Variants in INPP5J observed in about 807,000 individuals in gnomAD.
INPP5J encodes the protein phosphatidylinositol 4,5-bisphosphate 5-phosphatase A.
Under a neutral mutation model 86.6 loss-of-function variants are expected in INPP5J, and 75 were observed. The observed-to-expected ratio is 0.87, with a 90% CI of 0.72 to 1.05. The LOEUF (loss-of-function observed/expected upper bound fraction) is 1.05, where lower values mean the gene tolerates loss of function less well. Among genes scored for constraint, INPP5J ranks in the 50% least tolerant of loss-of-function variants. The pLI is 0.00. For synonymous variants in INPP5J, 540 were observed against 550.0 expected (o/e 0.98, Z 0.25); for missense variants, 1,229 against 1,341.2 (o/e 0.92, Z 1.31).
rs1235200785 is a variant in INPP5J, at chr22:31,133,387, C to T, written c.2332-19C>T. 2 of 1,613,216 alleles carry T rather than the reference C, an allele frequency of 1.2e-6. No homozygotes were observed. The highest frequency in any genetic ancestry group is 4.5e-5 in the East Asian group (2 of 44,870). On this transcript the variant is annotated intron_variant, in intron 10 of 12. Coordinates refer to ENST00000331075, the MANE Select transcript of INPP5J (RefSeq NM_001284285.2). ...CATTATAGGGTCACAACACTGATTC[C>T]ACAACACTGATCCCCCAGGTGGGTT...
Position 31,125,070 on chromosome 22 carries a change from GT to G in INPP5J, c.332del (p.Val111GlyfsTer5). Reference protein sequence around the residue: ...HRSSSLAPTSVGQLVMSASAG... With the variant: ...HRSSSLAPTSXGQLVMSASAG... ...CAGCTCCAGCCTGGCCCCAACATCT[GT>G]GGGCCAGCTGGTGATGTCTGCCTCA... On this transcript the variant is annotated frameshift_variant, in exon 2 of 13. Coordinates refer to ENST00000331075, the MANE Select transcript of INPP5J (RefSeq NM_001284285.2). LOFTEE classifies it high-confidence loss of function. The G allele has an allele frequency of 1.3e-6, 2 of 1,549,806 alleles. No individual in the cohort carries two copies. The highest frequency in any genetic ancestry group is 1.7e-6 in the Non-Finnish European group (2 of 1,147,044).
At position 31,133,118 on chromosome 22, in the gene INPP5J, G is replaced by A. The variant is rs1922208484; in HGVS notation, c.2214G>A (p.Met738Ile). The part of the protein sequence containing the change: ...FLLQFAFRDD[M>I]PLVRLEVADE... ...GACAGTTTGCCTTCAGGGACGACATGCCACTGGTGCGGCTGGAGGTGGCAG... is the reference window on the plus strand; with the variant it reads ...GACAGTTTGCCTTCAGGGACGACATACCACTGGTGCGGCTGGAGGTGGCAG... Residue 738 changes from methionine (M) to isoleucine (I), a missense_variant, in exon 10 of 13, where the codon ATG (methionine) becomes ATA (isoleucine). By Grantham distance (10) the Met-to-Ile change is conservative. Transcript: ENST00000331075. 6.4e-7 allele frequency: 1 copy of A among 1,566,006 alleles called. No individual in the cohort carries two copies. The highest frequency in any genetic ancestry group is 2.4e-5 in the East Asian group (1 of 42,164).
Position 31,125,518 on chromosome 22 carries a change from C to A in INPP5J, c.779C>A (p.Ser260Tyr), listed in dbSNP as rs1199582003. 1.3e-6 allele frequency: 2 copies of A among 1,550,602 alleles called. No homozygotes were observed. Among genetic ancestry groups the A allele is most frequent in the Admixed American group, 3.9e-5 (2 of 51,002 alleles). The change falls in exon 2 of 13, where the codon TCT becomes TAT. Residue 260 changes from serine (S) to tyrosine (Y), a missense_variant. Coordinates refer to ENST00000331075, the MANE Select transcript of INPP5J (RefSeq NM_001284285.2). ...CATCTCCAGCCTCCAGCTCAGACAT[C>A]TGGTCCTACAGGCTCCCCACCCTGC... ...EGHLQPPAQT[S>Y]GPTGSPPCIQ...
At chr22:31,126,589 G>T (rs755740493) in intron 3 of INPP5J, 24 bp from the exon 4 acceptor site, 2 of 1,607,924 alleles carry the variant, frequency 1.2e-6, no homozygotes, top group Non-Finnish European at 1.7e-6. Flanking sequence ...CAATCCCATG[G>T]CCACCCTGCC....
chr22:31,123,616 T>C (rs1921070257), intron 1 of INPP5J, among the ~76,000 whole-genome samples: 1 of 152,108 alleles, frequency 6.6e-6, no homozygotes, highest in Admixed American at 6.5e-5. Flanking sequence ...GATGGAGTTT[T>C]AGGTACTCTG....
rs774827900 is a variant in INPP5J, at chr22:31,134,115, G to A, written c.2717G>A (p.Arg906His). The A allele has an allele frequency of 6.4e-6, 10 of 1,551,612 alleles. No individual in the cohort carries two copies. Among genetic ancestry groups the A allele is most frequent in the East Asian group, 2.4e-5 (1 of 40,960 alleles). ...GLALRPSSRE[R>H]RGASRSPSPQ... ...GCCCTACGGCCCTCATCCCGTGAAC[G>A]CCGTGGTGCCAGCCGTAGCCCCTCA... The change falls in exon 13 of 13, where the codon CGC becomes CAC. Residue 906 changes from arginine to histidine, a missense_variant. Transcript: ENST00000331075.
At chr22:31,124,756 C>A in intron 1 of INPP5J, 89 bp from the exon 2 acceptor site, 1 of 1,109,890 alleles carries the variant, frequency 9.0e-7, no homozygotes, top group Non-Finnish European at 1.3e-6. Context: ...CCTTTCTTAG[C>A]TAGATGAACT....
At position 31,124,988 on chromosome 22, in the gene INPP5J, A is replaced by G; in HGVS notation, c.249A>G (p.Arg83=). The part of the protein sequence containing the change: ...EGPRLALASP[R]PILAPLCTPE... The stretch of plus-strand genomic sequence containing the variant: ...CGAGGCTGGCTCTGGCATCTCCCCG[A>G]CCAATCCTGGCTCCACTGTGTACCC... Residue 83 remains arginine (R), a synonymous_variant, in exon 2 of 13, where the codon CGA becomes CGG. Coordinates refer to ENST00000331075, the MANE Select transcript of INPP5J (RefSeq NM_001284285.2). The G allele has an allele frequency of 6.3e-7, 1 of 1,586,996 alleles. No individual in the cohort carries two copies. The highest frequency in any genetic ancestry group is 1.3e-5 in the African/African-American group (1 of 74,222).
Position 31,125,534 on chromosome 22 carries a change from C to T in INPP5J, c.795C>T (p.Ser265=), listed in dbSNP as rs1367125891. 16 of 1,550,526 alleles carry T rather than the reference C, an allele frequency of 1.0e-5. No individual in the cohort carries two copies. The highest frequency in any genetic ancestry group is 1.4e-5 in the Non-Finnish European group (16 of 1,146,976). Residue 265 remains serine (S), a synonymous_variant, in exon 2 of 13, where the codon TCC becomes TCT. Coordinates refer to ENST00000331075, the MANE Select transcript of INPP5J (RefSeq NM_001284285.2). ...PPAQTSGPTG[S]PPCIQTSPDP... is the part of the protein sequence containing the mutation. ...CTCAGACATCTGGTCCTACAGGCTC[C>T]CCACCCTGCATCCAAACCTCCCCAG...
At chr22:31,131,302 C>T (rs1387741251) in intron 9 of INPP5J, among the ~76,000 whole-genome samples, 3 of 152,142 alleles carry the variant, frequency 2.0e-5, no homozygotes, top group African/African-American at 7.2e-5. Flanking sequence ...CAGTGGCTCA[C>T]GCCTGTAATC....
chr22:31,124,966 G>A lies in INPP5J; in HGVS notation c.227G>A (p.Arg76Lys), dbSNP rs1383082777. 39 of 1,602,908 alleles carry A rather than the reference G, an allele frequency of 2.4e-5. No homozygotes were observed. Among genetic ancestry groups the A allele is most frequent in the Non-Finnish European group, 3.1e-5 (36 of 1,174,896 alleles). The change falls in exon 2 of 13, where the codon AGG becomes AAG. Residue 76 changes from arginine to lysine, a missense_variant. By Grantham distance (26) the Arg-to-Lys change is conservative. Coordinates refer to ENST00000331075, the MANE Select transcript of INPP5J (RefSeq NM_001284285.2). ...ATGTCAGCTTCCTCGGAAGGACCGAGGCTGGCTCTGGCATCTCCCCGACCA... is the reference window on the plus strand; with the variant it reads ...ATGTCAGCTTCCTCGGAAGGACCGAAGCTGGCTCTGGCATCTCCCCGACCA... ...AAMSASSEGP[R>K]LALASPRPIL...
chr22:31,127,871 GGGCTGA>G, intron 6 of INPP5J, 74 bp from the exon 7 acceptor site: 1 of 857,570 alleles, frequency 1.2e-6, no homozygotes, highest in Admixed American at 2.0e-5. Context: ...GGAAGGATCT[GGGCTGA>G]GCCCTTATCC....
Position 31,128,289 on chromosome 22 carries a change from A to G in INPP5J, c.1975A>G (p.Lys659Glu). The change falls in exon 8 of 13, where the codon AAG (lysine) becomes GAG (glutamate). Residue 659 changes from lysine to glutamate, a missense_variant. Physicochemically the swap from Lys to Glu is moderately conservative, Grantham distance 56 (BLOSUM62 1). Coordinates refer to ENST00000331075, the MANE Select transcript of INPP5J (RefSeq NM_001284285.2). ...GCCCCTCAACTTCGCTCCCACCTTCAAGTTTGATGTGGGTACCAACAAATA... is the reference window on the plus strand; with the variant it reads ...GCCCCTCAACTTCGCTCCCACCTTCGAGTTTGATGTGGGTACCAACAAATA... Reference protein sequence around the residue: ...EGPLNFAPTFKFDVGTNKYDT... With the variant: ...EGPLNFAPTFEFDVGTNKYDT... 1.3e-6 allele frequency: 2 copies of G among 1,598,802 alleles called. No homozygotes were observed. Among genetic ancestry groups the G allele is most frequent in the African/African-American group, 1.3e-5 (1 of 74,624 alleles).
In INPP5J at chr22:31,128,473, C is replaced by G. The variant is rs2147877777; in HGVS notation, c.2012C>G (p.Ala671Gly). The G allele has an allele frequency of 6.2e-7, 1 of 1,613,418 alleles. No individual in the cohort carries two copies. Among genetic ancestry groups the G allele is most frequent in the African/African-American group, 1.3e-5 (1 of 75,054 alleles). The change falls in exon 9 of 13, where the codon GCC becomes GGC. Residue 671 changes from alanine (A) to glycine (G), a missense_variant and splice_region_variant. Transcript: ENST00000331075. ...DVGTNKYDTS[A>G]KKRKPAWTDR... ...TGGGGTACCCCTGCTCACTGCAGTGCCAAGAAACGGAAGCCAGCTTGGACA... is the reference window on the plus strand; with the variant it reads ...TGGGGTACCCCTGCTCACTGCAGTGGCAAGAAACGGAAGCCAGCTTGGACA...
Position 31,126,956 on chromosome 22 carries a change from G to T in INPP5J, c.1530G>T (p.Leu510=). ...TGAGGATGCAGGGTGTCATCCTGCTGCTGTTCGCCAAGTACTACCACCTGC... is the reference window on the plus strand; with the variant it reads ...TGAGGATGCAGGGTGTCATCCTGCTTCTGTTCGCCAAGTACTACCACCTGC... ...SSVRMQGVIL[L]LFAKYYHLPF... Residue 510 remains leucine (L), a synonymous_variant, in exon 5 of 13, where the codon CTG becomes CTT. Coordinates refer to ENST00000331075, the MANE Select transcript of INPP5J (RefSeq NM_001284285.2). 2 of 1,610,740 alleles carry T rather than the reference G, an allele frequency of 1.2e-6. No homozygotes were observed. The highest frequency in any genetic ancestry group is 1.7e-6 in the Non-Finnish European group (2 of 1,178,536).
In INPP5J at chr22:31,123,147, C is replaced by T. The variant is rs138774815; in HGVS notation, c.105+28C>T. 2.8e-5 allele frequency: 39 copies of T among 1,381,298 alleles called. No homozygotes were observed. In the Middle Eastern group the frequency reaches 8.4e-4, roughly 30 times the overall value. The allele number at this position is 1,381,298 out of a possible 1,614,324, so 85.6% of individuals were successfully genotyped here. On this transcript the variant is annotated intron_variant, in intron 1 of 12. Coordinates refer to ENST00000331075, the MANE Select transcript of INPP5J (RefSeq NM_001284285.2). ...AAGACCCCTGAGACCCAGTGCCCCCCGCTTTCCTGATCCCTGGTTCCACAC... is the reference window on the plus strand; with the variant it reads ...AAGACCCCTGAGACCCAGTGCCCCCTGCTTTCCTGATCCCTGGTTCCACAC...
At chr22:31,124,329 G>T (rs1024448773) in intron 1 of INPP5J, 96 of 987,978 alleles carry the variant, frequency 9.7e-5, no homozygotes, top group Non-Finnish European at 1.1e-4. Context: ...GGAACTGAGG[G>T]TTTCTGGGCA....
rs768087913 is a variant in INPP5J, at chr22:31,125,575, C to G, written c.836C>G (p.Pro279Arg). 1.8e-4 allele frequency: 285 copies of G among 1,550,456 alleles called. No homozygotes were observed. Among genetic ancestry groups the G allele is most frequent in the Non-Finnish European group, 2.2e-4 (254 of 1,147,002 alleles). Reference sequence around the variant, plus strand: ...ACCTCCCCAGACCCTCGGCTCTCCCCCTCCTTCCGAGCCCGGCCTGAGGCC... The same window carrying G: ...ACCTCCCCAGACCCTCGGCTCTCCCGCTCCTTCCGAGCCCGGCCTGAGGCC... ...IQTSPDPRLS[P>R]SFRARPEALH... The change falls in exon 2 of 13, where the codon CCC (proline) becomes CGC (arginine). Residue 279 changes from proline to arginine, a missense_variant. Coordinates refer to ENST00000331075, the MANE Select transcript of INPP5J (RefSeq NM_001284285.2).
rs1602746102 is a variant in INPP5J, at chr22:31,133,564, G to A, written c.2410-46G>A. On this transcript the variant is annotated intron_variant, in intron 11 of 12. Coordinates refer to ENST00000331075, the MANE Select transcript of INPP5J (RefSeq NM_001284285.2). ...GAACTCACCTTGGGGGCTCTCAGGT[G>A]GCCTCCCTGACCCCCAACTTAGGCT... 3 of 1,587,218 alleles carry A rather than the reference G, an allele frequency of 1.9e-6. No individual in the cohort carries two copies. In the East Asian group the frequency reaches 6.7e-5, roughly 36 times the overall value.
Sources: allele counts gnomAD v4.1 joint callset (sites outside exome capture counted in the v4.1 genomes callset), GRCh38; gene constraint gnomAD v4.1.1; transcripts MANE v1.5; gene names NCBI Gene and HGNC (gene_info 2026-07-23, HGNC 2026-07-21).